CNTN4: variants seen among roughly 807,000 people sequenced by gnomAD.
CNTN4 encodes the protein contactin 4, also known as contactin-4.
A neutral mutation model predicts 122.5 loss-of-function variants in CNTN4; 77 were observed. The ratio of observed to expected loss-of-function variants is 0.63; its 90% CI spans 0.52 to 0.76. The LOEUF (loss-of-function observed/expected upper bound fraction) is 0.76. CNTN4 is among the 30% of genes least tolerant of loss of function. The pLI, the probability that CNTN4 is intolerant of heterozygous loss-of-function variation, is 0.00. For missense variants in CNTN4, 1,256 were observed against 1,259.1 expected (o/e 1.00, Z 0.04); for synonymous variants, 512 against 447.0 (o/e 1.15, Z -1.83).
chr3:2,168,997 A>G (rs1213920583), intron 2 of CNTN4, among the ~76,000 whole-genome samples: 1 of 152,230 alleles, frequency 6.6e-6, no homozygotes, highest in Non-Finnish European at 1.5e-5. Flanking sequence ...CAAGAGACAA[A>G]TCATTACCAA....
chr3:2,699,572 C>A (rs557019939), intron 4 of CNTN4, among the ~76,000 whole-genome samples: 3 of 152,314 alleles, frequency 2.0e-5, no homozygotes, highest in East Asian at 3.9e-4. Flanking sequence ...CAGTTGCCCT[C>A]AGAATTGGTC....
intron 3 of CNTN4, among the ~76,000 whole-genome samples, chr3:2,508,472 A>C (rs1317949223): frequency 2.6e-5 from 4 of 152,186 alleles, no homozygotes; most frequent in Admixed American, 2.0e-4. Flanking sequence ...ACTGTTGGGA[A>C]ATTGTTCCCA....
At chr3:3,031,750 C>T (rs1365962203) in intron 16 of CNTN4, among the ~76,000 whole-genome samples, 1 of 152,132 alleles carries the variant, frequency 6.6e-6, no homozygotes, top group Non-Finnish European at 1.5e-5. Context: ...CAGGGGTTTT[C>T]TATAGCATTA....
At chr3:2,362,684 C>T (rs1168247219) in intron 3 of CNTN4, 10 of 373,360 alleles carry the variant, frequency 2.7e-5, no homozygotes, top group Admixed American at 7.0e-5. Context: ...GTGAACAATC[C>T]GTAAATGACC....
At chr3:2,443,080 A>G (rs1376992525) in intron 3 of CNTN4, among the ~76,000 whole-genome samples, 1 of 152,040 alleles carries the variant, frequency 6.6e-6, no homozygotes, top group Non-Finnish European at 1.5e-5. Context: ...GTATACAACA[A>G]ACGCCCATGA....
chr3:2,749,191 T>G (rs1367603440), intron 6 of CNTN4, among the ~76,000 whole-genome samples: 1 of 152,158 alleles, frequency 6.6e-6, no homozygotes, highest in Non-Finnish European at 1.5e-5. Context: ...TGAGACTGAG[T>G]CTTGCTCCGT....
rs138306075 is a variant in CNTN4, at chr3:2,427,840, G to A, written c.-89+88607G>A. Among the ~76,000 whole-genome samples, 107 of 151,808 alleles carry A rather than the reference G, an allele frequency of 7.0e-4. 2 individuals are homozygous for A. In the East Asian group the frequency reaches 0.019, roughly 27 times the overall value. ...ACCATATGTAATGGCCTTCTTTGTC[G>A]CTTCTGATCTTTGTTGGTTTAAAGT... is the stretch of plus-strand genomic sequence containing the variant. On this transcript the variant is annotated intron_variant, in intron 3 of 24. Coordinates refer to ENST00000418658, the MANE Select transcript of CNTN4 (RefSeq NM_175607.3).
At chr3:2,658,422 T>C (rs2083700538) in intron 4 of CNTN4, among the ~76,000 whole-genome samples, 1 of 152,144 alleles carries the variant, frequency 6.6e-6, no homozygotes, top group Admixed American at 6.5e-5. Context: ...CCTGCAATAC[T>C]TACATCACAT....
intron 7 of CNTN4, among the ~76,000 whole-genome samples, chr3:2,847,203 T>C (rs945407865): frequency 5.3e-5 from 8 of 151,316 alleles, no homozygotes; most frequent in African/African-American, 1.9e-4. Context: ...TTTTTTCTAA[T>C]AGCTAAACTG....
At chr3:2,466,327 G>A (rs985639937) in intron 3 of CNTN4, among the ~76,000 whole-genome samples, 9 of 152,164 alleles carry the variant, frequency 5.9e-5, no homozygotes, top group African/African-American at 1.9e-4. Flanking sequence ...TTCTTGGTAC[G>A]AAAGTATGCA....
chr3:2,634,781 G>A (rs566300792), intron 4 of CNTN4, among the ~76,000 whole-genome samples: 8 of 151,706 alleles, frequency 5.3e-5, no homozygotes, highest in African/African-American at 1.7e-4. Flanking sequence ...GCTTGAACCC[G>A]GGAGGCAGAG....
chr3:2,783,832 G>A (rs1371881005), intron 6 of CNTN4, among the ~76,000 whole-genome samples: 1 of 152,120 alleles, frequency 6.6e-6, no homozygotes, highest in Non-Finnish European at 1.5e-5. Flanking sequence ...AATCCACCAG[G>A]TTGACACTTA....
chr3:2,851,777 A>G (rs1193230777), intron 7 of CNTN4, among the ~76,000 whole-genome samples: 1 of 152,230 alleles, frequency 6.6e-6, no homozygotes, highest in African/African-American at 2.4e-5. Context: ...ACTGCACTGT[A>G]AAAGAAAAGA....
rs115011549 is a variant in CNTN4, at chr3:2,613,206, C to G, written c.55+41648C>G. 2.6e-3 allele frequency among the ~76,000 whole-genome samples: 392 copies of G among 152,192 alleles called. 2 individuals are homozygous for G. The highest frequency in any genetic ancestry group is 6.1e-3 in the African/African-American group (252 of 41,544). ...GACTCCCTGTTCAGAAGAAAAAGTT[C>G]TATGTATTTCCATGTATTTTATTAA... On this transcript the variant is annotated intron_variant, in intron 4 of 24. Coordinates refer to ENST00000418658, the MANE Select transcript of CNTN4 (RefSeq NM_175607.3).
intron 4 of CNTN4, among the ~76,000 whole-genome samples, chr3:2,683,240 G>A (rs2085255569): frequency 6.6e-6 from 1 of 151,904 alleles, no homozygotes; most frequent in Non-Finnish European, 1.5e-5. Context: ...TGGAATAAAA[G>A]TAAAGATAAG....
At chr3:2,497,414 G>A (rs190801078) in intron 3 of CNTN4, among the ~76,000 whole-genome samples, 43 of 152,228 alleles carry the variant, frequency 2.8e-4, no homozygotes, top group Non-Finnish European at 5.1e-4. Context: ...GTAGTTTTTG[G>A]AAAATCCAGA....
chr3:2,579,571 G>C (rs1172561245), intron 4 of CNTN4, among the ~76,000 whole-genome samples: 7 of 151,840 alleles, frequency 4.6e-5, no homozygotes, highest in Non-Finnish European at 5.9e-5. Flanking sequence ...CAAAATAACT[G>C]TATTTACTTC....
In CNTN4 at chr3:2,631,876, AAAC is replaced by A. The variant is rs1338454696; in HGVS notation, c.55+60321_55+60323del. Among the ~76,000 whole-genome samples, 33 of 128,892 alleles carry A rather than the reference AAAC, an allele frequency of 2.6e-4. 2 individuals are homozygous for A. The highest frequency in any genetic ancestry group is 1.3e-3 in the African/African-American group (33 of 26,286). The allele number at this position is 128,892 out of a possible 152,430, so 84.6% of individuals were successfully genotyped here. On this transcript the variant is annotated intron_variant, in intron 4 of 24. Transcript: ENST00000418658. ...AGACCGTATCTCTACAAAAAAAAAA[AAAC>A]AAAAAAAAACAACAACTAAAAAATT...
intron 2 of CNTN4, among the ~76,000 whole-genome samples, chr3:2,160,770 A>G (rs2035931863): frequency 6.6e-6 from 1 of 152,188 alleles, no homozygotes; most frequent in Non-Finnish European, 1.5e-5. Context: ...TCAGGAATGT[A>G]TACGGTGCGT....
Sources: gnomAD v4.1 joint callset for allele counts (sites outside exome capture counted in the v4.1 genomes callset) on GRCh38, gnomAD v4.1.1 for gene constraint, MANE v1.5 for transcripts, NCBI Gene and HGNC (gene_info 2026-07-23, HGNC 2026-07-21) for gene names.